Variants in ATP2A2 observed in about 807,000 individuals in gnomAD.
The protein encoded by ATP2A2 is ATPase sarcoplasmic/endoplasmic reticulum Ca2+ transporting 2, also known as sarcoplasmic/endoplasmic reticulum calcium ATPase 2.
ATP2A2 carries 14 observed loss-of-function variants against 109.3 expected under a neutral mutation model. That is an observed-to-expected ratio of 0.13 (90% CI 0.08 to 0.20). The LOEUF (loss-of-function observed/expected upper bound fraction) is 0.20. ATP2A2 is among the 10% of genes least tolerant of loss of function. ATP2A2 has a pLI of 1.00. For synonymous variants in ATP2A2, 506 were observed against 490.9 expected (o/e 1.03, Z -0.41); for missense variants, 657 against 1,321.6 (o/e 0.50, Z 7.80).
chr12:110,339,585 A>G lies in ATP2A2; in HGVS notation c.1625A>G (p.Gln542Arg). The change falls in exon 13 of 20, where the codon CAG becomes CGG. Residue 542 changes from glutamine (Q) to arginine (R), a missense_variant. By Grantham distance (43) the Gln-to-Arg change is conservative. Around this residue, in one of 9 missense-constraint regions of ATP2A2, gnomAD observed 180 missense variants for 329.1 expected, o/e 0.55. Transcript: ENST00000539276. This position sits in a 1 kb window ranked among gnomAD's most constrained non-coding sequence, Gnocchi z 4.4. Reference protein sequence around the residue: ...TKVPMTSGVKQKIMSVIREWG... With the variant: ...TKVPMTSGVKRKIMSVIREWG... ...GTTCCTATGACCTCTGGAGTCAAAC[A>G]GAAGATCATGTCTGTCATTCGAGAG... The G allele has an allele frequency of 6.2e-7, 1 of 1,614,232 alleles. No individual in the cohort carries two copies. Among genetic ancestry groups the G allele is most frequent in the Non-Finnish European group, 8.5e-7 (1 of 1,180,038 alleles).
intron 14 of ATP2A2, among the ~76,000 whole-genome samples, chr12:110,341,980 A>G (rs1054879623): frequency 2.0e-5 from 3 of 152,236 alleles, no homozygotes; most frequent in African/African-American, 7.2e-5. Flanking sequence ...TTTTGTTTTT[A>G]GTAAGATAAT....
rs1879485228 is a variant in ATP2A2, at chr12:110,342,841, C to T, written c.2319-391C>T. On this transcript the variant is annotated intron_variant, in intron 15 of 19. Coordinates refer to ENST00000539276, the MANE Select transcript of ATP2A2 (RefSeq NM_170665.4). The surrounding 1 kb of genome is among the most constrained non-coding windows in gnomAD (Gnocchi z 4.6). ...CACGATCTCAGCTCACTGTCCCCTC[C>T]ACCTCCTGGGTTCAAGCCTCCCGAA... Among the ~76,000 whole-genome samples the T allele has an allele frequency of 6.6e-6, 1 of 152,132 alleles. No homozygotes were observed. Among genetic ancestry groups the T allele is most frequent in the African/African-American group, 2.4e-5 (1 of 41,406 alleles).
intron 11 of ATP2A2, among the ~76,000 whole-genome samples, chr12:110,334,606 T>A (rs1239102723): frequency 1.3e-5 from 2 of 149,654 alleles, no homozygotes; most frequent in South Asian, 4.3e-4. Flanking sequence ...TTTTTTTTTT[T>A]GAGACAGAGT....
At chr12:110,281,245 C>G (rs1872042325), upstream of ATP2A2, 1 of 151,274 alleles carries the variant, frequency 6.6e-6, no homozygotes, top group Non-Finnish European at 1.5e-5. Context: ...CCGATAAATG[C>G]TATTAGAGCA....
Position 110,342,418 on chromosome 12 carries a change from T to G in ATP2A2, c.2288T>G (p.Leu763Arg). ...YNNMKQFIRY[L>R]ISSNVGEVVC... ...AACATGAAACAGTTCATCCGCTACC[T>G]CATCTCGTCCAACGTCGGGGAAGTT... is the stretch of plus-strand genomic sequence containing the variant. Residue 763 changes from leucine to arginine, a missense_variant, in exon 15 of 20, where the codon CTC (leucine) becomes CGC (arginine). Coordinates refer to ENST00000539276, the MANE Select transcript of ATP2A2 (RefSeq NM_170665.4). This position sits in a 1 kb window ranked among gnomAD's most constrained non-coding sequence, Gnocchi z 4.6. 6.2e-7 allele frequency: 1 copy of G among 1,613,920 alleles called. No individual in the cohort carries two copies. Among genetic ancestry groups the G allele is most frequent in the Non-Finnish European group, 8.5e-7 (1 of 1,180,026 alleles).
rs532887811 is a variant in ATP2A2 at position 110,327,303 on chromosome 12, T to C, written c.631-250T>C. ...AACACAGAGGGGTTAAGAGCACTGC[T>C]TGAAGATGGTCTGCAAGCCGGGCTC... On this transcript the variant is annotated intron_variant, in intron 7 of 19. Transcript: ENST00000539276. The surrounding 1 kb of genome is among the most constrained non-coding windows in gnomAD (Gnocchi z 4.4). 6.6e-6 allele frequency among the ~76,000 whole-genome samples: 1 copy of C among 152,280 alleles called. No individual in the cohort carries two copies. Among genetic ancestry groups the C allele is most frequent in the Non-Finnish European group, 1.5e-5 (1 of 68,030 alleles).
intron 5 of ATP2A2, among the ~76,000 whole-genome samples, chr12:110,313,310 C>CTTTTTTTT (rs748790705): frequency 8.8e-5 from 10 of 113,200 alleles, no homozygotes; most frequent in Non-Finnish European, 1.2e-4. Context: ...ACCACCTTTC[C>CTTTTTTTT]TTTTTTTTTT....
chr12:110,347,127 T>C lies in ATP2A2; in HGVS notation c.*657T>C. ...CATCAGTTTTAACGAGAGGTATGCC[T>C]GTACTCGCTTGTGCAGAAAACATTG... On this transcript the variant is annotated 3_prime_UTR_variant, in exon 20 of 20. Coordinates refer to ENST00000539276, the MANE Select transcript of ATP2A2 (RefSeq NM_170665.4). 8.5e-7 allele frequency: 1 copy of C among 1,172,000 alleles called. No homozygotes were observed. Among genetic ancestry groups the C allele is most frequent in the Non-Finnish European group, 1.1e-6 (1 of 934,910 alleles). The allele number at this position is 1,172,000 out of a possible 1,614,324, so 72.6% of individuals were successfully genotyped here.
intron 5 of ATP2A2, among the ~76,000 whole-genome samples, chr12:110,320,497 G>A (rs1877126303): frequency 6.6e-6 from 1 of 152,060 alleles, no homozygotes; most frequent in African/African-American, 2.4e-5. Context: ...AATGTTCGAG[G>A]GCATGTAGGA....
Position 110,349,662 on chromosome 12 carries a change from A to T in ATP2A2, c.*3192A>T. On this transcript the variant is annotated 3_prime_UTR_variant, in exon 20 of 20. Coordinates refer to ENST00000539276, the MANE Select transcript of ATP2A2 (RefSeq NM_170665.4). The stretch of plus-strand genomic sequence containing the variant: ...AGACCTGAGACCACAAGATTAGCTC[A>T]GTGTCTACCAAGCATCTAGCCACTG... The T allele has an allele frequency of 1.0e-6, 1 of 989,092 alleles. No individual in the cohort carries two copies. The highest frequency in any genetic ancestry group is 1.2e-6 in the Non-Finnish European group (1 of 831,940). The allele number at this position is 989,092 out of a possible 1,614,324, so 61.3% of individuals were successfully genotyped here.
intron 5 of ATP2A2, among the ~76,000 whole-genome samples, chr12:110,308,808 G>T (rs1427510637): frequency 6.6e-6 from 1 of 152,146 alleles, no homozygotes; most frequent in African/African-American, 2.4e-5. Context: ...CATAAATTGT[G>T]CTTTTAGACA....
chr12:110,292,030 G>A lies in ATP2A2; in HGVS notation c.230G>A (p.Trp77Ter). 6.2e-7 allele frequency: 1 copy of A among 1,613,928 alleles called. No homozygotes were observed. The highest frequency in any genetic ancestry group is 8.5e-7 in the Non-Finnish European group (1 of 1,179,864). Residue 77 changes from tryptophan to a stop codon, truncating the protein, a stop_gained, in exon 4 of 20, where the codon TGG becomes TAG. Coordinates refer to ENST00000539276, the MANE Select transcript of ATP2A2 (RefSeq NM_170665.4). LOFTEE classifies it high-confidence loss of function. ...CCATTTCTCTTCTAGGTTTTGGCTT[G>A]GTTTGAAGAAGGTGAAGAAACAATT... ...LAACISFVLA[W>*]FEEGEETITA...
At chr12:110,304,274 A>G (rs562290767) in intron 5 of ATP2A2, among the ~76,000 whole-genome samples, 1 of 152,320 alleles carries the variant, frequency 6.6e-6, no homozygotes, top group East Asian at 1.9e-4. Context: ...TTGTGTGAAC[A>G]TAACATTTTC....
chr12:110,295,614 G>GT (rs1388564121), intron 4 of ATP2A2, among the ~76,000 whole-genome samples: 7 of 152,112 alleles, frequency 4.6e-5, no homozygotes, highest in South Asian at 2.1e-4. Flanking sequence ...CCCAATTAAG[G>GT]TTTTTTTATA....
chr12:110,295,728 T>C (rs1281086245), intron 4 of ATP2A2, among the ~76,000 whole-genome samples: 2 of 152,240 alleles, frequency 1.3e-5, no homozygotes, highest in Non-Finnish European at 2.9e-5. Flanking sequence ...ACAACTTCCA[T>C]TCTGAAATCG....
In ATP2A2 at chr12:110,350,615, G is replaced by T. The variant is rs1049546507; in HGVS notation, c.*4145G>T. 14 of 470,510 alleles carry T rather than the reference G, an allele frequency of 3.0e-5. No individual in the cohort carries two copies. The highest frequency in any genetic ancestry group is 2.5e-4 in the African/African-American group (13 of 51,492). The allele number at this position is 470,510 out of a possible 1,614,324, so 29.1% of individuals were successfully genotyped here. On this transcript the variant is annotated 3_prime_UTR_variant, in exon 20 of 20. Transcript: ENST00000539276. The stretch of plus-strand genomic sequence containing the variant: ...TTATCTAAGAACTTGGAAGCCGTCA[G>T]CCAAGTCGCCACATTTCTCTGCAAA...
rs1000991800 is a variant in ATP2A2, at chr12:110,348,864, C to T, written c.*2394C>T. The T allele has an allele frequency of 2.0e-6, 2 of 985,314 alleles. No homozygotes were observed. The highest frequency in any genetic ancestry group is 3.5e-5 in the African/African-American group (2 of 57,228). 61.0% of individuals were successfully genotyped at this position (985,314 alleles called of 1,614,324 possible). On this transcript the variant is annotated 3_prime_UTR_variant, in exon 20 of 20. Coordinates refer to ENST00000539276, the MANE Select transcript of ATP2A2 (RefSeq NM_170665.4). The stretch of plus-strand genomic sequence containing the variant: ...GTAACAAGAAATGGGTTGAATGGGC[C>T]AAATGCAAGGAGTGCATCTCTGGGC...
intron 5 of ATP2A2, among the ~76,000 whole-genome samples, chr12:110,302,529 C>A (rs1010373421): frequency 6.6e-6 from 1 of 151,732 alleles, no homozygotes; most frequent in Non-Finnish European, 1.5e-5. Context: ...TGCTAAAAAG[C>A]GTATATATTG....
chr12:110,323,017 A>T lies in ATP2A2; in HGVS notation c.489A>T (p.Ile163=), dbSNP rs367627887. ...TTGGTGACAAAGTTCCTGCTGATAT[A>T]AGGTTAACTTCCATCAAATCTACCA... is the stretch of plus-strand genomic sequence containing the variant. The part of the protein sequence containing the change: ...IAVGDKVPAD[I]RLTSIKSTTL... Residue 163 remains isoleucine, a synonymous_variant, in exon 6 of 20, where the codon ATA becomes ATT. Transcript: ENST00000539276. 26 of 1,613,438 alleles carry T rather than the reference A, an allele frequency of 1.6e-5. No homozygotes were observed. Among genetic ancestry groups the T allele is most frequent in the Non-Finnish European group, 1.8e-5 (21 of 1,179,424 alleles).
Sources: gnomAD v4.1 joint callset for allele counts (sites outside exome capture counted in the v4.1 genomes callset) on GRCh38, gnomAD v4.1.1 for gene constraint, gnomAD v4.1.1 regional missense constraint, Gnocchi (gnomAD v3.1) non-coding constraint, MANE v1.5 for transcripts, NCBI Gene and HGNC (gene_info 2026-07-23, HGNC 2026-07-21) for gene names.